Variants in HARBI1 observed in about 807,000 individuals in gnomAD.
The protein encoded by HARBI1 is putative nuclease HARBI1.
In HARBI1, 15 loss-of-function variants were observed where a neutral mutation model predicts 25.3. The observed-to-expected ratio is 0.59, with a 90% CI of 0.40 to 0.91. The LOEUF is 0.91. HARBI1 is among the 40% of genes least tolerant of loss of function. The pLI, the probability that HARBI1 is intolerant of heterozygous loss-of-function variation, is 0.00. For synonymous variants in HARBI1, 168 were observed against 160.5 expected (o/e 1.05, Z -0.35); for missense variants, 396 against 445.8 (o/e 0.89, Z 1.01).
At chr11:46,611,298 T>A in intron 2 of HARBI1, among the ~76,000 whole-genome samples, 1 of 152,146 alleles carries the variant, frequency 6.6e-6, no homozygotes. Flanking sequence ...TGAGCCACCG[T>A]GCCCGGCTAT....
At chr11:46,606,705 T>C (rs1301713727) in intron 2 of HARBI1, among the ~76,000 whole-genome samples, 1 of 152,152 alleles carries the variant, frequency 6.6e-6, no homozygotes, top group Non-Finnish European at 1.5e-5. Flanking sequence ...TGCAGTGGTA[T>C]GATCATAGCT....
intron 2 of HARBI1, among the ~76,000 whole-genome samples, chr11:46,611,115 C>T (rs2135395348): frequency 6.8e-6 from 1 of 147,474 alleles, no homozygotes; most frequent in East Asian, 2.1e-4. Flanking sequence ...TCACGCCATT[C>T]TCCTGCCTCA....
At chr11:46,612,739 C>T (rs1019972497) in intron 2 of HARBI1, among the ~76,000 whole-genome samples, 4 of 149,716 alleles carry the variant, frequency 2.7e-5, no homozygotes, top group African/African-American at 7.4e-5. Flanking sequence ...GGTGCGATCT[C>T]GACTCACTGC....
At chr11:46,608,623 A>AATT (rs1555023713) in intron 2 of HARBI1, among the ~76,000 whole-genome samples, 7 of 142,086 alleles carry the variant, frequency 4.9e-5, no homozygotes, top group African/African-American at 1.8e-4. Context: ...TAAAAAAAAA[A>AATT]TTTTTTTTTT....
chr11:46,613,358 T>C (rs2135402040), intron 2 of HARBI1, among the ~76,000 whole-genome samples: 1 of 152,270 alleles, frequency 6.6e-6, no homozygotes, highest in South Asian at 2.1e-4. Flanking sequence ...TAGATATTAC[T>C]GTGGTTGGTG....
rs1565353641 is a variant in HARBI1 at position 46,615,642 on chromosome 11, T to C, written c.596A>G (p.Asp199Gly). The C allele has an allele frequency of 6.2e-7, 1 of 1,614,218 alleles. No individual in the cohort carries two copies. Among genetic ancestry groups the C allele is most frequent in the Non-Finnish European group, 8.5e-7 (1 of 1,180,040 alleles). Residue 199 changes from aspartate (D) to glycine (G), a missense_variant, in exon 2 of 3, where the codon GAC becomes GGC. Asp to Gly is a moderately conservative substitution (Grantham distance 94). Transcript: ENST00000326737. ...VETNWPGSLQDCAVLQQSSLS... is the reference protein window; with the variant it reads ...VETNWPGSLQGCAVLQQSSLS... ...GGAAGACTGCTGCAGCACAGCACAGTCCTGTAGGCTGCCGGGCCAGTTTGT... is the reference window on the plus strand; with the variant it reads ...GGAAGACTGCTGCAGCACAGCACAGCCCTGTAGGCTGCCGGGCCAGTTTGT...
chr11:46,609,353 C>T, intron 2 of HARBI1, among the ~76,000 whole-genome samples: 1 of 145,894 alleles, frequency 6.9e-6, no homozygotes, highest in Non-Finnish European at 1.5e-5. Flanking sequence ...AGCCACTTTT[C>T]TTTTTTTTTT....
chr11:46,606,308 G>GCTACATAGTAC (rs2044947870), intron 2 of HARBI1, among the ~76,000 whole-genome samples: 1 of 151,508 alleles, frequency 6.6e-6, no homozygotes, highest in African/African-American at 2.4e-5. Flanking sequence ...AGCATGTACT[G>GCTACATAGTAC]TGCTGGTACT....
intron 2 of HARBI1, among the ~76,000 whole-genome samples, chr11:46,605,927 C>T (rs765035278): frequency 2.6e-4 from 40 of 151,812 alleles, no homozygotes; most frequent in Non-Finnish European, 2.4e-4. Flanking sequence ...CTCACTCTGC[C>T]CAGGCTGAAG....
At chr11:46,610,686 G>A (rs906181092) in intron 2 of HARBI1, among the ~76,000 whole-genome samples, 3 of 152,014 alleles carry the variant, frequency 2.0e-5, no homozygotes, top group Non-Finnish European at 2.9e-5. Flanking sequence ...ATAAACATTC[G>A]TTAAATGTTG....
chr11:46,606,527 T>C (rs2044960253), intron 2 of HARBI1, among the ~76,000 whole-genome samples: 1 of 152,078 alleles, frequency 6.6e-6, no homozygotes, highest in Non-Finnish European at 1.5e-5. Flanking sequence ...TTGGCCAGGC[T>C]GGTCTCAAAC....
Position 46,617,121 on chromosome 11 carries a change from C to T in HARBI1, c.-145+3G>A, listed in dbSNP as rs895217555. On this transcript the variant is annotated splice_donor_region_variant and intron_variant, in intron 1 of 2. Transcript: ENST00000326737. ...ACTCAGTTAGCCCAGGCCCGTCACC[C>T]ACCTCTCCGCGGCTGCCAGGTTACC... 4.2e-6 allele frequency: 2 copies of T among 478,086 alleles called. No homozygotes were observed. Among genetic ancestry groups the T allele is most frequent in the Non-Finnish European group, 2.7e-6 (1 of 366,706 alleles). 29.6% of individuals were successfully genotyped at this position (478,086 alleles called of 1,614,324 possible). A position where few individuals can be genotyped will look rare whatever the true frequency, so the allele number is the denominator to read the frequency against.
At position 46,615,919 on chromosome 11, in the gene HARBI1, C is replaced by A; in HGVS notation, c.319G>T (p.Val107Phe). The change falls in exon 2 of 3, where the codon GTC (valine) becomes TTC (phenylalanine). Residue 107 changes from valine to phenylalanine, a missense_variant. By Grantham distance (50) the Val-to-Phe change is conservative. Transcript: ENST00000326737. ...GCCCTTTCCACAAGTGCTTCAGTGA[C>A]ATTGGCAACACAACGACTCATAGAC... ...QASMSRCVAN[V>F]TEALVERASQ... 1 of 1,614,190 alleles carries A rather than the reference C, an allele frequency of 6.2e-7. No homozygotes were observed.
chr11:46,617,204 A>G lies in HARBI1; in HGVS notation c.-225T>C. 1 of 167,150 alleles carries G rather than the reference A, an allele frequency of 6.0e-6. No homozygotes were observed. Among genetic ancestry groups the G allele is most frequent in the Non-Finnish European group, 1.2e-5 (1 of 81,626 alleles). 10.4% of individuals were successfully genotyped at this position (167,150 alleles called of 1,614,324 possible). A position where few individuals can be genotyped will look rare whatever the true frequency, so the allele number is the denominator to read the frequency against. On this transcript the variant is annotated 5_prime_UTR_variant, in exon 1 of 3. Transcript: ENST00000326737. The stretch of plus-strand genomic sequence containing the variant: ...GCCCTCCTCCGGAACCGGCGACTGC[A>G]CAGAGGCCGCCACGGCGCGCAACAG...
intron 2 of HARBI1, among the ~76,000 whole-genome samples, chr11:46,604,833 T>C (rs1457954100): frequency 1.3e-5 from 2 of 152,126 alleles, no homozygotes; most frequent in South Asian, 2.1e-4. Context: ...ATAGTAATAG[T>C]TGGTGATAAG....
rs1042417447 is a variant in HARBI1 at position 46,604,120 on chromosome 11, C to A, written c.671-211G>T. 8 of 985,300 alleles carry A rather than the reference C, an allele frequency of 8.1e-6. No individual in the cohort carries two copies. In the African/African-American group the frequency reaches 1.4e-4, roughly 17 times the overall value. The allele number at this position is 985,300 out of a possible 1,614,324, so 61.0% of individuals were successfully genotyped here. On this transcript the variant is annotated intron_variant, in intron 2 of 2. Coordinates refer to ENST00000326737, the MANE Select transcript of HARBI1 (RefSeq NM_173811.4). ...AGACACGAGTTCTGGCTGAGAATGT[C>A]GTTGGTAAAAATCGACACATAAAAA...
intron 2 of HARBI1, 113 bp from the exon 3 acceptor site, chr11:46,604,022 G>A (rs773451494): frequency 2.6e-4 from 378 of 1,430,490 alleles, no homozygotes; most frequent in Non-Finnish European, 3.3e-4. Context: ...AGCCTCTGGC[G>A]CCAAAGCACA....
Position 46,616,232 on chromosome 11 carries a change from A to T in HARBI1, c.6T>A (p.Ala2=), listed in dbSNP as rs1293578445. ...CACAGTCAAGCACTGTTATTGGTAT[A>T]GCCATGGTAAATGTGAATGTTGGCT... The part of the protein sequence containing the change: M[A]IPITVLDCDL... The change falls in exon 2 of 3, where the codon GCT becomes GCA. Residue 2 remains alanine, a synonymous_variant. Coordinates refer to ENST00000326737, the MANE Select transcript of HARBI1 (RefSeq NM_173811.4). 8 of 1,602,700 alleles carry T rather than the reference A, an allele frequency of 5.0e-6. No individual in the cohort carries two copies. The highest frequency in any genetic ancestry group is 6.8e-6 in the Non-Finnish European group (8 of 1,176,252).
rs576847235 is a variant in HARBI1, at chr11:46,603,291, C to T, written c.*239G>A. 3.1e-4 allele frequency: 123 copies of T among 399,902 alleles called. No homozygotes were observed. The highest frequency in any genetic ancestry group is 2.4e-3 in the African/African-American group (116 of 49,336). 24.8% of individuals were successfully genotyped at this position (399,902 alleles called of 1,614,324 possible). ...AGCTTTCAAATTAGTGGTACTCAACCTAGAGTTCACTGGATAGTAGGGAGC... is the reference window on the plus strand; with the variant it reads ...AGCTTTCAAATTAGTGGTACTCAACTTAGAGTTCACTGGATAGTAGGGAGC... On this transcript the variant is annotated 3_prime_UTR_variant, in exon 3 of 3. Coordinates refer to ENST00000326737, the MANE Select transcript of HARBI1 (RefSeq NM_173811.4).
Sources: gnomAD v4.1 joint callset for allele counts (sites outside exome capture counted in the v4.1 genomes callset) on GRCh38, gnomAD v4.1.1 for gene constraint, MANE v1.5 for transcripts, NCBI Gene and HGNC (gene_info 2026-07-23, HGNC 2026-07-21) for gene names.